The following CDH17 variants were observed in gnomAD, a reference collection of about 807,000 sequenced individuals.
CDH17 encodes the protein cadherin 17.
A neutral mutation model predicts 86.3 loss-of-function variants in CDH17; 67 were observed. That is an observed-to-expected ratio of 0.78 (90% CI 0.64 to 0.95). The LOEUF is 0.95. CDH17 is among the 40% of genes least tolerant of loss of function. CDH17 has a pLI of 0.00. For synonymous variants in CDH17, 367 were observed against 366.4 expected (o/e 1.00, Z -0.02); for missense variants, 993 against 1,017.6 (o/e 0.98, Z 0.33).
At chr8:94,155,354 G>C (rs1002980634) in intron 12 of CDH17, among the ~76,000 whole-genome samples, 3 of 151,904 alleles carry the variant, frequency 2.0e-5, no homozygotes, top group Non-Finnish European at 2.9e-5. Context: ...TAAAAGCCTA[G>C]TAGACCAAGC....
upstream of CDH17, among the ~76,000 whole-genome samples, chr8:94,209,481 C>G (rs1170054930): frequency 6.6e-6 from 1 of 152,168 alleles, no homozygotes; most frequent in Non-Finnish European, 1.5e-5. Flanking sequence ...AGCAAGAGAG[C>G]CCAGCCCACT....
Position 94,160,091 on chromosome 8 carries a change from A to T in CDH17, c.1431T>A (p.Ala477=), listed in dbSNP as rs1813022444. 1 of 1,613,946 alleles carries T rather than the reference A, an allele frequency of 6.2e-7. No homozygotes were observed. The highest frequency in any genetic ancestry group is 8.5e-7 in the Non-Finnish European group (1 of 1,179,894). ...STILTIQATD[A]DEPFTGSSKI... is the part of the protein sequence containing the mutation. ...TAGAACTCCCAGTAAATGGCTCATC[A>T]GCATCAGTGGCCTGGATGGTTAAGA... Residue 477 remains alanine (A), a synonymous_variant, in exon 12 of 18, where the codon GCT becomes GCA. Transcript: ENST00000027335.
At chr8:94,166,523 A>G (rs926347671) in intron 9 of CDH17, among the ~76,000 whole-genome samples, 1 of 152,218 alleles carries the variant, frequency 6.6e-6, no homozygotes, top group African/African-American at 2.4e-5. Flanking sequence ...TGTAGCCTAG[A>G]ACAGAGGGTT....
chr8:94,183,640 T>C (rs1043794819), intron 3 of CDH17, among the ~76,000 whole-genome samples: 1 of 152,090 alleles, frequency 6.6e-6, no homozygotes, highest in Non-Finnish European at 1.5e-5. Context: ...TAAATCTTTA[T>C]GACCCCGAAT....
intron 15 of CDH17, among the ~76,000 whole-genome samples, chr8:94,133,326 C>T (rs1283743072): frequency 6.6e-6 from 1 of 152,094 alleles, no homozygotes; most frequent in East Asian, 1.9e-4. Context: ...TGTTTGTGTC[C>T]TCCGTTACTT....
intron 1 of CDH17, among the ~76,000 whole-genome samples, chr8:94,195,567 T>C (rs1164777995): frequency 2.0e-5 from 3 of 152,190 alleles, no homozygotes; most frequent in Non-Finnish European, 4.4e-5. Context: ...CTGTCCTTAT[T>C]GTCTCCTGTC....
chr8:94,154,430 G>C (rs1812910538), intron 12 of CDH17, among the ~76,000 whole-genome samples: 1 of 152,112 alleles, frequency 6.6e-6, no homozygotes, highest in Non-Finnish European at 1.5e-5. Flanking sequence ...CATTTTTTAT[G>C]GGAAATGATT....
intron 9 of CDH17, among the ~76,000 whole-genome samples, chr8:94,167,035 G>C (rs916830020): frequency 4.6e-5 from 7 of 152,154 alleles, no homozygotes; most frequent in Admixed American, 2.6e-4. Flanking sequence ...ATGGCAAATG[G>C]TATCACTAAA....
chr8:94,201,919 C>T (rs1317877023), intron 1 of CDH17: 2 of 183,908 alleles, frequency 1.1e-5, no homozygotes, highest in Non-Finnish European at 2.3e-5. Flanking sequence ...AAATTTAGAA[C>T]ACCAATTTGT....
At chr8:94,157,589 A>T (rs1812970064) in intron 12 of CDH17, among the ~76,000 whole-genome samples, 1 of 152,184 alleles carries the variant, frequency 6.6e-6, no homozygotes, top group African/African-American at 2.4e-5. Flanking sequence ...TCTTACAAAT[A>T]AATTTTCTTG....
At chr8:94,148,404 T>C (rs1812786598) in intron 14 of CDH17, among the ~76,000 whole-genome samples, 1 of 151,732 alleles carries the variant, frequency 6.6e-6, no homozygotes, top group Admixed American at 6.6e-5. Flanking sequence ...TAGCCAGGCA[T>C]GGTGGTGGGT....
rs370527795 is a variant in CDH17, at chr8:94,162,132, T to C, written c.1313A>G (p.Asn438Ser). Residue 438 changes from asparagine to serine, a missense_variant, in exon 11 of 18, where the codon AAC becomes AGC. Physicochemically the swap from Asn to Ser is conservative, Grantham distance 46. Transcript: ENST00000027335. Reference sequence around the variant, plus strand: ...GATCTGATCATTGATATCAATAACGTTGATTTGCACAAAACAAAGGGTCTT... The same window carrying C: ...GATCTGATCATTGATATCAATAACGCTGATTTGCACAAAACAAAGGGTCTT... Reference protein sequence around the residue: ...DFKTLCFVQINVIDINDQIPI... With the variant: ...DFKTLCFVQISVIDINDQIPI... 1.4e-5 allele frequency: 22 copies of C among 1,609,148 alleles called. No individual in the cohort carries two copies. Among genetic ancestry groups the C allele is most frequent in the Middle Eastern group, 1.6e-4 (1 of 6,066 alleles).
intron 1 of CDH17, among the ~76,000 whole-genome samples, chr8:94,199,065 ATATATATATATATATATATTTTTTT>A (rs1337612250): frequency 1.0e-4 from 2 of 19,490 alleles, no homozygotes; most frequent in Non-Finnish European, 2.9e-4. Flanking sequence ...ATATATATAT[ATATATATATATATATATATTTTTTT>A]TTTTTTATCA....
At chr8:94,168,097 A>AAAAT (rs1761906855) in intron 9 of CDH17, among the ~76,000 whole-genome samples, 1 of 50,658 alleles carries the variant, frequency 2.0e-5, no homozygotes, top group African/African-American at 1.1e-4. Flanking sequence ...TACACTGGGG[A>AAAAT]ATATATATAT....
intron 15 of CDH17, among the ~76,000 whole-genome samples, chr8:94,139,667 C>G (rs1385836075): frequency 6.6e-6 from 1 of 152,124 alleles, no homozygotes; most frequent in Admixed American, 6.5e-5. Context: ...CTTTGGGAGG[C>G]TGGGGCAGGC....
At chr8:94,155,557 C>T (rs16916593) in intron 12 of CDH17, among the ~76,000 whole-genome samples, 3,426 of 152,252 alleles carry the variant, frequency 0.023, 123 homozygotes, top group African/African-American at 0.079. Context: ...CATCCCATCA[C>T]TGTGGCCCCA....
chr8:94,208,002 C>T (rs1300857457), intron 1 of CDH17, among the ~76,000 whole-genome samples: 2 of 152,214 alleles, frequency 1.3e-5, no homozygotes, highest in African/African-American at 4.8e-5. Flanking sequence ...TGTTCCCTCC[C>T]TTGCTGTGTC....
chr8:94,129,467 A>G lies in CDH17; in HGVS notation c.2399-1127T>C, dbSNP rs547026593. Among the ~76,000 whole-genome samples the G allele has an allele frequency of 1.4e-4, 21 of 152,292 alleles. No homozygotes were observed. In the South Asian group the frequency reaches 2.5e-3, roughly 18 times the overall value. The stretch of plus-strand genomic sequence containing the variant: ...TATAAAGAAGTGAGACCCCCTTTAG[A>G]TGCATGAATCAGAGTCCAGTGTGAC... On this transcript the variant is annotated intron_variant, in intron 17 of 17. Coordinates refer to ENST00000027335, the MANE Select transcript of CDH17 (RefSeq NM_004063.4).
intron 1 of CDH17, among the ~76,000 whole-genome samples, chr8:94,199,080 T>TATAC (rs1813852907): frequency 1.0e-4 from 1 of 9,936 alleles, no homozygotes; most frequent in African/African-American, 2.4e-4. Context: ...TATATATATA[T>TATAC]ATATTTTTTT....
Sources: gnomAD v4.1 joint callset for allele counts (sites outside exome capture counted in the v4.1 genomes callset) on GRCh38, gnomAD v4.1.1 for gene constraint, MANE v1.5 for transcripts, NCBI Gene and HGNC (gene_info 2026-07-23, HGNC 2026-07-21) for gene names.